NALCN: variants seen among roughly 807,000 people sequenced by gnomAD.
The protein encoded by NALCN is sodium leak channel, non-selective, also known as sodium leak channel NALCN.
In NALCN, 111 loss-of-function variants were observed where a neutral mutation model predicts 225.3. That is an observed-to-expected ratio of 0.49 (90% confidence interval 0.42 to 0.58). NALCN has a LOEUF of 0.58. Among genes scored for constraint, NALCN ranks in the 20% least tolerant of loss-of-function variants. NALCN has a pLI of 0.00. For missense variants in NALCN, 1,378 were observed against 2,202.4 expected (o/e 0.63, Z 7.49); for synonymous variants, 764 against 769.0 (o/e 0.99, Z 0.11).
chr13:101,261,766 A>T (rs923393368), intron 10 of NALCN, among the ~76,000 whole-genome samples: 1 of 152,198 alleles, frequency 6.6e-6, no homozygotes, highest in African/African-American at 2.4e-5. Flanking sequence ...AGGTTTTTCC[A>T]AATATAAGAT....
In NALCN at chr13:101,143,078, A is replaced by G; in HGVS notation, c.2118+2T>C. Reference sequence around the variant, plus strand: ...CTGGTTATTCGAAACAGCAGATCTTACTTTTTGGTCGATGTATTTGTTGTC... The same window carrying G: ...CTGGTTATTCGAAACAGCAGATCTTGCTTTTTGGTCGATGTATTTGTTGTC... On this transcript the variant is annotated splice_donor_variant, in intron 17 of 43. Transcript: ENST00000251127. LOFTEE classifies it high-confidence loss of function. The G allele has an allele frequency of 6.2e-7, 1 of 1,614,124 alleles. No homozygotes were observed. The highest frequency in any genetic ancestry group is 1.1e-5 in the South Asian group (1 of 91,074).
chr13:101,095,946 G>T (rs907544996), intron 27 of NALCN, among the ~76,000 whole-genome samples: 1 of 152,058 alleles, frequency 6.6e-6, no homozygotes, highest in Non-Finnish European at 1.5e-5. Context: ...AAAAGCACAC[G>T]ACAAGATGCT....
At chr13:101,129,618 A>G (rs1594267671) in intron 17 of NALCN, among the ~76,000 whole-genome samples, 2 of 152,170 alleles carry the variant, frequency 1.3e-5, no homozygotes, top group East Asian at 3.8e-4. Context: ...GAACATATCT[A>G]GAGCCCATAG....
intron 36 of NALCN, 144 bp from the exon 37 acceptor site, chr13:101,073,821 T>C (rs1205147389): frequency 1.6e-6 from 1 of 624,062 alleles, no homozygotes; most frequent in Admixed American, 3.1e-5. Context: ...TACCTTTTTA[T>C]TAATTTGTCA....
chr13:101,150,220 G>A (rs888890905), intron 15 of NALCN, among the ~76,000 whole-genome samples: 7 of 152,112 alleles, frequency 4.6e-5, no homozygotes, highest in Non-Finnish European at 7.3e-5. Context: ...GTGCTGCCGG[G>A]TGTCTGCAGA....
chr13:101,152,038 G>T (rs2037675438), intron 15 of NALCN, among the ~76,000 whole-genome samples: 1 of 152,244 alleles, frequency 6.6e-6, no homozygotes, highest in South Asian at 2.1e-4. Context: ...ACATGTTTAA[G>T]TCACTAATTT....
chr13:101,178,774 G>A (rs2039067612), intron 14 of NALCN, among the ~76,000 whole-genome samples: 1 of 152,224 alleles, frequency 6.6e-6, no homozygotes, highest in Non-Finnish European at 1.5e-5. Context: ...CTTCTTACTT[G>A]AGGACTAGTT....
At chr13:101,159,092 C>A (rs2038041123) in intron 15 of NALCN, among the ~76,000 whole-genome samples, 1 of 152,312 alleles carries the variant, frequency 6.6e-6, no homozygotes, top group South Asian at 2.1e-4. Context: ...CTTTCCTAAA[C>A]TCCCAGAGTG....
chr13:101,145,128 C>A (rs2037285534), intron 15 of NALCN, among the ~76,000 whole-genome samples: 1 of 152,048 alleles, frequency 6.6e-6, no homozygotes, highest in African/African-American at 2.4e-5. Context: ...AAAAACTAAA[C>A]CAGAAAAAAA....
chr13:101,254,064 G>C lies in NALCN; in HGVS notation c.1266+4379C>G, dbSNP rs181441448. Among the ~76,000 whole-genome samples, 1,095 of 152,148 alleles carry C rather than the reference G, an allele frequency of 7.2e-3. 16 individuals carry two copies. Among genetic ancestry groups the C allele is most frequent in the African/African-American group, 0.025 (1,039 of 41,518 alleles). On this transcript the variant is annotated intron_variant, in intron 11 of 43. Transcript: ENST00000251127. ...TGAATAAAAACGAAACATACTTGGGGAAAGTCAAACACACAAAATCAAAAA... is the reference window on the plus strand; with the variant it reads ...TGAATAAAAACGAAACATACTTGGGCAAAGTCAAACACACAAAATCAAAAA...
At chr13:101,133,481 A>G (rs1174151264) in intron 17 of NALCN, among the ~76,000 whole-genome samples, 1 of 152,190 alleles carries the variant, frequency 6.6e-6, no homozygotes, top group African/African-American at 2.4e-5. Context: ...GTTGTAGTGT[A>G]ATTATTGTAA....
chr13:101,301,325 G>C lies in NALCN; in HGVS notation c.800-8959C>G, dbSNP rs556959691. Among the ~76,000 whole-genome samples, 16 of 152,308 alleles carry C rather than the reference G, an allele frequency of 1.1e-4. No homozygotes were observed. In the South Asian group the frequency reaches 3.3e-3, roughly 32 times the overall value. On this transcript the variant is annotated intron_variant, in intron 7 of 43. Transcript: ENST00000251127. ...GAGAGTAAGGGTAGCAAAGAAACCT[G>C]GTCAGATACCCCTCAGCCTGTGAAT... is the stretch of plus-strand genomic sequence containing the variant.
chr13:101,104,497 T>G lies in NALCN; in HGVS notation c.2757+33A>C. On this transcript the variant is annotated intron_variant, in intron 24 of 43. Transcript: ENST00000251127. This position sits in a 1 kb window ranked among gnomAD's most constrained non-coding sequence, Gnocchi z 4.2. ...GCAGGTCAGTATTTTACCTCCTAGT[T>G]GTAAGCTGAGATTTTGCAGCGGTAA... 6.2e-7 allele frequency: 1 copy of G among 1,613,658 alleles called. No individual in the cohort carries two copies. Among genetic ancestry groups the G allele is most frequent in the East Asian group, 2.2e-5 (1 of 44,842 alleles).
At chr13:101,230,488 C>T (rs956533979) in intron 12 of NALCN, among the ~76,000 whole-genome samples, 2 of 152,212 alleles carry the variant, frequency 1.3e-5, no homozygotes, top group African/African-American at 2.4e-5. Context: ...AGCTAGCTGT[C>T]TCCAGTGGAC....
At chr13:101,245,390 G>A (rs1332151455) in intron 11 of NALCN, among the ~76,000 whole-genome samples, 3 of 152,090 alleles carry the variant, frequency 2.0e-5, no homozygotes, top group Non-Finnish European at 4.4e-5. Flanking sequence ...CCCCAAAGCA[G>A]TGTTTCCCAA....
At chr13:101,257,778 T>C (rs2042289273) in intron 11 of NALCN, among the ~76,000 whole-genome samples, 1 of 152,022 alleles carries the variant, frequency 6.6e-6, no homozygotes, top group Non-Finnish European at 1.5e-5. Context: ...AAAACAAAGA[T>C]CTTGGAAAAT....
At chr13:101,378,785 A>T in intron 3 of NALCN, 132 bp from the exon 4 acceptor site, 1 of 612,720 alleles carries the variant, frequency 1.6e-6, no homozygotes, top group Non-Finnish European at 2.7e-6. Flanking sequence ...ACAGACTTTC[A>T]CAAGGAATAA....
At chr13:101,224,954 C>T (rs368194537) in intron 13 of NALCN, among the ~76,000 whole-genome samples, 11 of 152,262 alleles carry the variant, frequency 7.2e-5, no homozygotes, top group Admixed American at 5.2e-4. Context: ...GCCACGTTGA[C>T]TACCAAGTAT....
At chr13:101,227,955 G>GTCCTT (rs1033965100) in intron 13 of NALCN, among the ~76,000 whole-genome samples, 16 of 152,170 alleles carry the variant, frequency 1.1e-4, no homozygotes, top group Non-Finnish European at 2.1e-4. Context: ...GGAGTCACCT[G>GTCCTT]TTCCCATAAG....
Sources: allele counts gnomAD v4.1 joint callset (sites outside exome capture counted in the v4.1 genomes callset), GRCh38; gene constraint gnomAD v4.1.1; non-coding constraint Gnocchi (gnomAD v3.1); transcripts MANE v1.5; gene names NCBI Gene and HGNC (gene_info 2026-07-23, HGNC 2026-07-21).